The following BRINP1 variants were observed in gnomAD, a reference collection of about 807,000 sequenced individuals.
BRINP1 encodes the protein BMP/retinoic acid-inducible neural-specific protein 1.
A neutral mutation model predicts 72.9 loss-of-function variants in BRINP1; 17 were observed. The ratio of observed to expected loss-of-function variants is 0.23; its 90% CI spans 0.16 to 0.35. The LOEUF is 0.35. Ranked by LOEUF, BRINP1 falls within the 10% of genes least tolerant of loss-of-function variation. BRINP1 has a pLI of 1.00. For synonymous variants in BRINP1, 418 were observed against 378.5 expected, an observed-to-expected ratio of 1.10 and a Z score of -1.21; for missense variants, 850 against 1,001.6, an observed-to-expected ratio of 0.85 and a Z score of 2.04.
intron 1 of BRINP1, among the ~76,000 whole-genome samples, chr9:119,359,543 A>C (rs1314444311): frequency 6.6e-6 from 1 of 152,212 alleles, no homozygotes; most frequent in Non-Finnish European, 1.5e-5. Flanking sequence ...CAGATAAGAA[A>C]ACTGGCACAG....
chr9:119,310,571 A>C (rs1172792901), intron 2 of BRINP1, among the ~76,000 whole-genome samples: 1 of 152,184 alleles, frequency 6.6e-6, no homozygotes, highest in Non-Finnish European at 1.5e-5. Context: ...GCTTCTTCCC[A>C]GTTTCTTTCT....
intron 1 of BRINP1, among the ~76,000 whole-genome samples, chr9:119,344,116 G>T (rs1233225400): frequency 6.6e-6 from 1 of 152,116 alleles, no homozygotes; most frequent in African/African-American, 2.4e-5. Context: ...TTCCCACTCT[G>T]CTGTGATTCT....
intron 2 of BRINP1, among the ~76,000 whole-genome samples, chr9:119,266,522 T>C (rs1830549893): frequency 1.3e-5 from 2 of 152,216 alleles, no homozygotes; most frequent in African/African-American, 4.8e-5. Context: ...AAAACATTTT[T>C]AATTTATTTC....
chr9:119,337,040 G>C (rs988870227), intron 1 of BRINP1, among the ~76,000 whole-genome samples: 1 of 152,098 alleles, frequency 6.6e-6, no homozygotes, highest in African/African-American at 2.4e-5. Flanking sequence ...TTTCTAAGCA[G>C]ATTTCGTCCT....
chr9:119,186,494 G>T (rs985073871), intron 7 of BRINP1, among the ~76,000 whole-genome samples: 1 of 152,164 alleles, frequency 6.6e-6, no homozygotes, highest in Admixed American at 6.5e-5. Flanking sequence ...CAGCCCAGCA[G>T]AAAAGCCATG....
At chr9:119,208,350 T>C (rs1246384954) in intron 7 of BRINP1, among the ~76,000 whole-genome samples, 1 of 152,198 alleles carries the variant, frequency 6.6e-6, no homozygotes, top group Non-Finnish European at 1.5e-5. Context: ...TTTTCACCAT[T>C]AAGATGGGGA....
At chr9:119,285,662 A>G (rs1051572211) in intron 2 of BRINP1, among the ~76,000 whole-genome samples, 2 of 152,208 alleles carry the variant, frequency 1.3e-5, no homozygotes, top group African/African-American at 4.8e-5. Context: ...TCAGGCTGCA[A>G]GATACTTTGT....
intron 7 of BRINP1, among the ~76,000 whole-genome samples, chr9:119,177,972 G>C (rs1289659831): frequency 1.3e-5 from 2 of 152,180 alleles, no homozygotes; most frequent in East Asian, 3.9e-4. Flanking sequence ...CTGAGGGAAA[G>C]AGGAAAGAAA....
At chr9:119,168,889 A>G (rs148587880) in intron 7 of BRINP1, among the ~76,000 whole-genome samples, 2 of 152,304 alleles carry the variant, frequency 1.3e-5, no homozygotes, top group African/African-American at 2.4e-5. Context: ...TGATGTGAGT[A>G]TAAGTCAGTT....
At chr9:119,220,930 A>C (rs1830034773) in intron 5 of BRINP1, among the ~76,000 whole-genome samples, 2 of 152,184 alleles carry the variant, frequency 1.3e-5, no homozygotes, top group South Asian at 4.1e-4. Flanking sequence ...ATGCAAGGCA[A>C]AGACCATGCA....
chr9:119,306,486 T>TA (rs1261255532), intron 2 of BRINP1, among the ~76,000 whole-genome samples: 1 of 152,146 alleles, frequency 6.6e-6, no homozygotes, highest in Non-Finnish European at 1.5e-5. Context: ...TGTCAGCCTT[T>TA]AAATGGCTGA....
rs192616379 is a variant in BRINP1, at chr9:119,353,126, C to A, written c.-51+15930G>T. Among the ~76,000 whole-genome samples, 3 of 152,144 alleles carry A rather than the reference C, an allele frequency of 2.0e-5. 1 individual carries two copies. The highest frequency in any genetic ancestry group is 7.2e-5 in the African/African-American group (3 of 41,432). The stretch of plus-strand genomic sequence containing the variant: ...TTCAGAACATCTATTGATAGAATTT[C>A]GGTACCACCGAGGCAAGCCTCAGCT... On this transcript the variant is annotated intron_variant, in intron 1 of 7. Coordinates refer to ENST00000265922, the MANE Select transcript of BRINP1 (RefSeq NM_014618.3).
At chr9:119,237,462 A>G (rs1246255910) in intron 5 of BRINP1, among the ~76,000 whole-genome samples, 1 of 151,528 alleles carries the variant, frequency 6.6e-6, no homozygotes, top group Admixed American at 6.6e-5. Context: ...TCCCGGGTTC[A>G]TGCCCTTCTC....
chr9:119,298,342 G>A (rs369199512), intron 2 of BRINP1, among the ~76,000 whole-genome samples: 1 of 152,116 alleles, frequency 6.6e-6, no homozygotes, highest in Non-Finnish European at 1.5e-5. Flanking sequence ...TCTGTTGGGG[G>A]CTGGGGGGCA....
At chr9:119,355,581 T>G (rs2119036862) in intron 1 of BRINP1, among the ~76,000 whole-genome samples, 1 of 151,964 alleles carries the variant, frequency 6.6e-6, no homozygotes, top group South Asian at 2.1e-4. Flanking sequence ...ACAAAAAAAT[T>G]AGCCGGGCGT....
chr9:119,267,757 G>T (rs1024012255), intron 2 of BRINP1, among the ~76,000 whole-genome samples: 5 of 152,090 alleles, frequency 3.3e-5, no homozygotes, highest in Non-Finnish European at 5.9e-5. Context: ...AATTGTCAGG[G>T]TAAATTCTAT....
At chr9:119,195,730 C>A (rs1022563535) in intron 7 of BRINP1, among the ~76,000 whole-genome samples, 6 of 152,154 alleles carry the variant, frequency 3.9e-5, no homozygotes, top group Non-Finnish European at 8.8e-5. Context: ...GGAGACAAAG[C>A]CATTAGCATC....
chr9:119,290,951 C>T (rs1241013524), intron 2 of BRINP1, among the ~76,000 whole-genome samples: 2 of 151,916 alleles, frequency 1.3e-5, no homozygotes, highest in African/African-American at 2.4e-5. Flanking sequence ...GGTGAAACTC[C>T]GTCTCTACCA....
chr9:119,267,460 C>T (rs550063059), intron 2 of BRINP1, among the ~76,000 whole-genome samples: 36 of 152,066 alleles, frequency 2.4e-4, no homozygotes, highest in African/African-American at 8.0e-4. Context: ...CATGGTGAAA[C>T]CCCATCTCTA....
Sources: gnomAD v4.1 joint callset for allele counts (sites outside exome capture counted in the v4.1 genomes callset) on GRCh38, gnomAD v4.1.1 for gene constraint, MANE v1.5 for transcripts, NCBI Gene and HGNC (gene_info 2026-07-23, HGNC 2026-07-21) for gene names.